Variants in PDLIM5 observed in about 807,000 individuals in gnomAD.
The protein encoded by PDLIM5 is PDZ and LIM domain protein 5.
Under a neutral mutation model 64.2 loss-of-function variants are expected in PDLIM5, and 34 were observed. That is an observed-to-expected ratio of 0.53 (90% CI 0.40 to 0.71). The LOEUF is 0.71. Ranked by LOEUF, PDLIM5 falls within the 30% of genes least tolerant of loss-of-function variation. The pLI, the probability that PDLIM5 is intolerant of heterozygous loss-of-function variation, is 0.00. For synonymous variants in PDLIM5, 253 were observed against 269.1 expected, an observed-to-expected ratio of 0.94 and a Z score of 0.59; for missense variants, 683 against 733.6, an observed-to-expected ratio of 0.93 and a Z score of 0.80.
chr4:94,586,527 T>C (rs1244360953), intron 7 of PDLIM5, 83 bp downstream of exon 7: 3 of 783,902 alleles, frequency 3.8e-6, no homozygotes, highest in Non-Finnish European at 4.3e-6. Context: ...TCAAGTATAA[T>C]GGTATGGCAT....
intron 8 of PDLIM5, among the ~76,000 whole-genome samples, chr4:94,631,740 G>A (rs1049373369): frequency 2.0e-5 from 3 of 152,268 alleles, no homozygotes; most frequent in Non-Finnish European, 2.9e-5. Context: ...TTTGGATCCC[G>A]GATTCTCTGC....
chr4:94,557,735 G>A (rs1733477459), intron 3 of PDLIM5, among the ~76,000 whole-genome samples: 1 of 152,148 alleles, frequency 6.6e-6, no homozygotes, highest in South Asian at 2.1e-4. Context: ...AAGAATGCTT[G>A]TGGTTTTTGT....
In PDLIM5 at chr4:94,573,339, T is replaced by A. The variant is rs774821527; in HGVS notation, c.249-12T>A. The A allele has an allele frequency of 1.2e-6, 2 of 1,604,560 alleles. No homozygotes were observed. The highest frequency in any genetic ancestry group is 2.7e-5 in the African/African-American group (2 of 74,368). ...TTATTTTTTTTTTCTTTTTCTTTCTTTTTTTCCTCAGAGCATCTGCTGCAC... is the reference window on the plus strand; with the variant it reads ...TTATTTTTTTTTTCTTTTTCTTTCTATTTTTCCTCAGAGCATCTGCTGCAC... On this transcript the variant is annotated splice_polypyrimidine_tract_variant and intron_variant, in intron 3 of 12. Coordinates refer to ENST00000317968, the MANE Select transcript of PDLIM5 (RefSeq NM_006457.5).
chr4:94,455,769 A>G (rs895326669), intron 2 of PDLIM5: 15 of 1,518,330 alleles, frequency 9.9e-6, no homozygotes, highest in Non-Finnish European at 1.2e-5. Context: ...TTTGTTAAAA[A>G]CTGTTGATCA....
chr4:94,505,570 C>T (rs1490915529), intron 2 of PDLIM5, among the ~76,000 whole-genome samples: 1 of 152,132 alleles, frequency 6.6e-6, no homozygotes, highest in Non-Finnish European at 1.5e-5. Context: ...CTGGAAGTCA[C>T]CTATATTTCT....
intron 3 of PDLIM5, among the ~76,000 whole-genome samples, chr4:94,541,596 C>T (rs1731811710): frequency 1.3e-5 from 2 of 152,164 alleles, no homozygotes; most frequent in African/African-American, 4.8e-5. Context: ...ACTTAACATC[C>T]CCAGGTTTAA....
intron 9 of PDLIM5, among the ~76,000 whole-genome samples, chr4:94,647,900 T>C (rs2865371): frequency 0.98 from 149,802 of 152,274 alleles, 73,714 homozygotes; most frequent in East Asian, 1. Flanking sequence ...AAAAAACACA[T>C]TCCTTAAACA....
chr4:94,527,046 CTTTTTTTT>C lies in PDLIM5; in HGVS notation c.248+3192_248+3199del, dbSNP rs57625095. On this transcript the variant is annotated intron_variant, in intron 3 of 12. Coordinates refer to ENST00000317968, the MANE Select transcript of PDLIM5 (RefSeq NM_006457.5). Reference sequence around the variant, plus strand: ...CATTGCGCCCGGCCTGAACAGCATTCTTTTTTTTTTTTTTTTTTTTTTTTTTTTGAGAC... The same window carrying C: ...CATTGCGCCCGGCCTGAACAGCATTCTTTTTTTTTTTTTTTTTTTTGAGAC... Among the ~76,000 whole-genome samples, 7 of 57,812 alleles carry C rather than the reference CTTTTTTTT, an allele frequency of 1.2e-4. 1 individual carries two copies. The East Asian group carries it at 2.5e-3, about 20-fold the overall frequency. The allele number at this position is 57,812 out of a possible 152,430, so 37.9% of individuals were successfully genotyped here. A position where few individuals can be genotyped will look rare whatever the true frequency, so the allele number is the denominator to read the frequency against.
At chr4:94,560,243 G>T (rs764448849) in intron 3 of PDLIM5, among the ~76,000 whole-genome samples, 3 of 152,114 alleles carry the variant, frequency 2.0e-5, no homozygotes, top group African/African-American at 4.8e-5. Context: ...CTTTCTCTTT[G>T]ATTGAACTTT....
chr4:94,453,490 C>T (rs1366763492), intron 1 of PDLIM5, among the ~76,000 whole-genome samples: 1 of 152,096 alleles, frequency 6.6e-6, no homozygotes, highest in Non-Finnish European at 1.5e-5. Flanking sequence ...AGGGAAGTTG[C>T]AAGTACATGG....
chr4:94,509,945 A>G (rs1728722755), intron 2 of PDLIM5, among the ~76,000 whole-genome samples: 2 of 152,182 alleles, frequency 1.3e-5, no homozygotes, highest in African/African-American at 4.8e-5. Context: ...CGGGATCAAT[A>G]CTTTGTATCC....
rs189391279 is a variant in PDLIM5, at chr4:94,624,080, C to G, written c.1108+5889C>G. Among the ~76,000 whole-genome samples, 323 of 151,524 alleles carry G rather than the reference C, an allele frequency of 2.1e-3. 1 individual carries two copies. Among genetic ancestry groups the G allele is most frequent in the African/African-American group, 7.1e-3 (292 of 41,294 alleles). ...AATCCCAATAGTGTGGGAGTTAAGG[C>G]AGGAGGATTGCTGGAGGTCAGGGGT... On this transcript the variant is annotated intron_variant, in intron 8 of 12. Coordinates refer to ENST00000317968, the MANE Select transcript of PDLIM5 (RefSeq NM_006457.5).
intron 3 of PDLIM5, among the ~76,000 whole-genome samples, chr4:94,552,050 A>G (rs1044378440): frequency 6.6e-6 from 1 of 152,180 alleles, no homozygotes; most frequent in Non-Finnish European, 1.5e-5. Context: ...TTGGAAGCTT[A>G]CTTAATCACT....
chr4:94,506,438 G>T (rs933100896), intron 2 of PDLIM5, among the ~76,000 whole-genome samples: 2 of 152,174 alleles, frequency 1.3e-5, no homozygotes, highest in South Asian at 2.1e-4. Context: ...AGCAGATTCA[G>T]TGTCTCATGA....
At chr4:94,521,958 G>T (rs552759059) in intron 2 of PDLIM5, among the ~76,000 whole-genome samples, 1 of 152,088 alleles carries the variant, frequency 6.6e-6, no homozygotes, top group Non-Finnish European at 1.5e-5. Flanking sequence ...GCTGATTTTA[G>T]TAGGGAATAG....
intron 3 of PDLIM5, among the ~76,000 whole-genome samples, chr4:94,559,799 C>T (rs1247278516): frequency 1.3e-5 from 2 of 152,046 alleles, no homozygotes; most frequent in Non-Finnish European, 2.9e-5. Flanking sequence ...TATGACTGGG[C>T]CTTTGGGTTA....
At chr4:94,592,584 A>G (rs943673651) in intron 7 of PDLIM5, among the ~76,000 whole-genome samples, 6 of 152,156 alleles carry the variant, frequency 3.9e-5, no homozygotes, top group African/African-American at 1.4e-4. Context: ...GCTACTGAGA[A>G]TGACTGCATT....
At chr4:94,511,593 C>A (rs1014942780) in intron 2 of PDLIM5, among the ~76,000 whole-genome samples, 3 of 73,168 alleles carry the variant, frequency 4.1e-5, no homozygotes, top group Non-Finnish European at 8.4e-5. Flanking sequence ...TCAGACATCC[C>A]CCCCAACACA....
At chr4:94,481,753 C>T (rs985490805) in intron 2 of PDLIM5, among the ~76,000 whole-genome samples, 4 of 151,074 alleles carry the variant, frequency 2.6e-5, no homozygotes, top group Non-Finnish European at 5.9e-5. Flanking sequence ...GGTCTACAGG[C>T]GCCCGCCACC....
Sources: gnomAD v4.1 joint callset for allele counts (sites outside exome capture counted in the v4.1 genomes callset) on GRCh38, gnomAD v4.1.1 for gene constraint, MANE v1.5 for transcripts, NCBI Gene and HGNC (gene_info 2026-07-23, HGNC 2026-07-21) for gene names.